FNDC3A: variants seen among roughly 807,000 people sequenced by gnomAD.
FNDC3A encodes the protein fibronectin type III domain containing 3A, also known as fibronectin type-III domain-containing protein 3A.
In FNDC3A, 32 loss-of-function variants were observed where a neutral mutation model predicts 148.9. That is an observed-to-expected ratio of 0.21 (90% CI 0.16 to 0.29). The LOEUF (loss-of-function observed/expected upper bound fraction) is 0.29, where lower values mean the gene tolerates loss of function less well. Ranked by LOEUF, FNDC3A falls within the 10% of genes least tolerant of loss-of-function variation. FNDC3A has a pLI of 1.00. For missense variants in FNDC3A, 1,191 were observed against 1,452.8 expected (o/e 0.82, Z 2.93); for synonymous variants, 472 against 473.6 (o/e 1.00, Z 0.04).
At chr13:49,206,577 T>A (rs1157709611) in intron 25 of FNDC3A, among the ~76,000 whole-genome samples, 1 of 152,202 alleles carries the variant, frequency 6.6e-6, no homozygotes, top group South Asian at 2.1e-4. Context: ...TGATCTCCCC[T>A]CTCTGGTTTA....
At chr13:48,995,341 T>C (rs1319721550) in intron 1 of FNDC3A, among the ~76,000 whole-genome samples, 1 of 152,046 alleles carries the variant, frequency 6.6e-6, no homozygotes, top group Non-Finnish European at 1.5e-5. Context: ...ATAACAATCT[T>C]AGTTGTAGCC....
At chr13:49,009,688 CA>C (rs1346283950) in intron 2 of FNDC3A, among the ~76,000 whole-genome samples, 5 of 152,136 alleles carry the variant, frequency 3.3e-5, no homozygotes, top group Non-Finnish European at 7.4e-5. Flanking sequence ...AAGCTTCAAG[CA>C]AAAGTGGAAT....
At chr13:49,070,891 T>TTG (rs1566230762) in intron 2 of FNDC3A, among the ~76,000 whole-genome samples, 4 of 144,452 alleles carry the variant, frequency 2.8e-5, no homozygotes, top group African/African-American at 1.0e-4. Context: ...CTTTTTTTTT[T>TTG]TTGTTTTGTT....
At chr13:49,080,710 G>T (rs889316456) in intron 3 of FNDC3A, among the ~76,000 whole-genome samples, 3 of 152,150 alleles carry the variant, frequency 2.0e-5, no homozygotes, top group Non-Finnish European at 4.4e-5. Context: ...TTAGTTTTAT[G>T]TTGTGAAGAG....
chr13:49,158,334 C>G (rs1164871747), intron 8 of FNDC3A, among the ~76,000 whole-genome samples: 4 of 152,222 alleles, frequency 2.6e-5, no homozygotes. Flanking sequence ...AACTCCCTGA[C>G]CCCTTGCGCT....
At chr13:49,093,347 TA>T (rs1446693444) in intron 3 of FNDC3A, among the ~76,000 whole-genome samples, 2 of 152,220 alleles carry the variant, frequency 1.3e-5, no homozygotes, top group Non-Finnish European at 2.9e-5. Flanking sequence ...TATTGCCTTA[TA>T]GATCCTCAAG....
At chr13:48,993,297 GAACTTA>G (rs1219918247) in intron 1 of FNDC3A, among the ~76,000 whole-genome samples, 1 of 152,062 alleles carries the variant, frequency 6.6e-6, no homozygotes, top group Non-Finnish European at 1.5e-5. Flanking sequence ...CCTAACCTGG[GAACTTA>G]TTAGAGATGT....
intron 2 of FNDC3A, among the ~76,000 whole-genome samples, chr13:49,049,168 A>G (rs1169391492): frequency 6.6e-6 from 1 of 152,164 alleles, no homozygotes; most frequent in Non-Finnish European, 1.5e-5. Flanking sequence ...CCACTTCATC[A>G]TGGTGGATTA....
chr13:49,036,986 G>A (rs7987258), intron 2 of FNDC3A, among the ~76,000 whole-genome samples: 84,443 of 151,954 alleles, frequency 0.56, 25,082 homozygotes, highest in Non-Finnish European at 0.66. Flanking sequence ...TAGAACAGAT[G>A]GATATCTGGA....
In FNDC3A at chr13:48,990,588, C is replaced by CAAAA. The variant is rs58007137; in HGVS notation, c.-40+14432_-40+14435dup. On this transcript the variant is annotated intron_variant, in intron 1 of 25. Transcript: ENST00000492622. ...GCAACATGGTGAAATCCTGTCTCTC[C>CAAAA]AAAAAAAAAAAAAAAAAAAAAAAAT... Among the ~76,000 whole-genome samples, 122 of 58,010 alleles carry CAAAA rather than the reference C, an allele frequency of 2.1e-3. 1 individual carries two copies. Among genetic ancestry groups the CAAAA allele is most frequent in the East Asian group, 0.014 (28 of 1,972 alleles). 38.1% of individuals were successfully genotyped at this position (58,010 alleles called of 152,430 possible). A position where few individuals can be genotyped will look rare whatever the true frequency, so the allele number is the denominator to read the frequency against.
intron 2 of FNDC3A, among the ~76,000 whole-genome samples, chr13:49,053,689 G>A (rs1223508700): frequency 1.3e-5 from 2 of 152,172 alleles, no homozygotes; most frequent in African/African-American, 4.8e-5. Flanking sequence ...TTAAGGCGTT[G>A]TGGAGACCAG....
At chr13:49,110,387 C>T (rs751397211) in intron 3 of FNDC3A, 2 of 1,610,368 alleles carry the variant, frequency 1.2e-6, no homozygotes, top group African/African-American at 1.3e-5. Flanking sequence ...TCTGCTGCTA[C>T]TGTAAAAACG....
chr13:49,004,450 C>T (rs1212163975), intron 1 of FNDC3A, among the ~76,000 whole-genome samples: 1 of 151,838 alleles, frequency 6.6e-6, no homozygotes, highest in Non-Finnish European at 1.5e-5. Context: ...GCAAATTGAC[C>T]AATGGGTTGA....
At chr13:49,199,474 C>T (rs914761566) in intron 23 of FNDC3A, among the ~76,000 whole-genome samples, 6 of 151,930 alleles carry the variant, frequency 3.9e-5, no homozygotes, top group East Asian at 3.9e-4. Flanking sequence ...ACTACAGGTG[C>T]GCACCACCAC....
rs79446110 is a variant in FNDC3A at position 49,187,201 on chromosome 13, A to T, written c.1825+11A>T. On this transcript the variant is annotated intron_variant, in intron 16 of 25. Coordinates refer to ENST00000492622, the MANE Select transcript of FNDC3A (RefSeq NM_001079673.2). The stretch of plus-strand genomic sequence containing the variant: ...CAGAAGGTTCTAACGGTATGAATGG[A>T]TATTAAACACTGATAGATTTATTCC... 1.3e-6 allele frequency: 2 copies of T among 1,542,530 alleles called. No homozygotes were observed. Among genetic ancestry groups the T allele is most frequent in the Non-Finnish European group, 9.0e-7 (1 of 1,116,994 alleles).
At chr13:49,008,090 T>C (rs1952257105) in intron 2 of FNDC3A, among the ~76,000 whole-genome samples, 1 of 152,268 alleles carries the variant, frequency 6.6e-6, no homozygotes. Context: ...ACTCAGTAAA[T>C]GTTTGCCGAA....
chr13:49,064,360 G>A (rs1235433336), intron 2 of FNDC3A, among the ~76,000 whole-genome samples: 1 of 146,638 alleles, frequency 6.8e-6, no homozygotes, highest in Non-Finnish European at 1.5e-5. Flanking sequence ...GTAGTCTGTG[G>A]AAAAAGAAGA....
intron 25 of FNDC3A, among the ~76,000 whole-genome samples, chr13:49,204,887 C>CATCT (rs1886578970): frequency 6.6e-6 from 1 of 152,188 alleles, no homozygotes; most frequent in Non-Finnish European, 1.5e-5. Context: ...TCCTCTCCAA[C>CATCT]ATCTTTACTT....
chr13:48,999,756 A>C (rs929044838), intron 1 of FNDC3A, among the ~76,000 whole-genome samples: 1 of 152,182 alleles, frequency 6.6e-6, no homozygotes, highest in Non-Finnish European at 1.5e-5. Flanking sequence ...TGGAGCTCCC[A>C]TGATGTGATT....
Sources: allele counts gnomAD v4.1 joint callset (sites outside exome capture counted in the v4.1 genomes callset), GRCh38; gene constraint gnomAD v4.1.1; transcripts MANE v1.5; gene names NCBI Gene and HGNC (gene_info 2026-07-23, HGNC 2026-07-21).